CUX1: variants seen among roughly 807,000 people sequenced by gnomAD.
The protein encoded by CUX1 is protein CASP.
Under a neutral mutation model 158.8 loss-of-function variants are expected in CUX1, and 31 were observed. The ratio of observed to expected loss-of-function variants is 0.20; its 90% confidence interval spans 0.15 to 0.26. The LOEUF is 0.26. Ranked by LOEUF, CUX1 falls within the 10% of genes least tolerant of loss-of-function variation. The pLI is 1.00. For synonymous variants in CUX1, 879 were observed against 862.1 expected, an observed-to-expected ratio of 1.02 and a Z score of -0.34; for missense variants, 1,589 against 2,014.6, an observed-to-expected ratio of 0.79 and a Z score of 4.04.
In CUX1 at chr7:102,201,838, C is replaced by T. The variant is rs375527499; in HGVS notation, c.2541C>T (p.Gly847=). ...AGGAGGCCAAGGCCGAAGAAACGGG[C>T]GGCGGGAAAGAGAAGGGCAGCGGTG... ...SSEEAKAEET[G]GGKEKGSGGS... Residue 847 remains glycine, a synonymous_variant, in exon 18 of 24, where the codon GGC becomes GGT. Coordinates refer to ENST00000292535, the MANE Select transcript of CUX1 (RefSeq NM_181552.4). This position sits in a 1 kb window ranked among gnomAD's most constrained non-coding sequence, Gnocchi z 5.0. The T allele has an allele frequency of 3.6e-5, 58 of 1,612,894 alleles. No homozygotes were observed. Among genetic ancestry groups the T allele is most frequent in the Non-Finnish European group, 4.7e-5 (55 of 1,179,902 alleles).
Position 102,282,517 on chromosome 7 carries a change from A to G in CUX1, c.1903-195A>G, listed in dbSNP as rs539653659. On this transcript the variant is annotated intron_variant, in intron 21 of 22. Coordinates refer to the CUX1 transcript ENST00000292538. The stretch of plus-strand genomic sequence containing the variant: ...TCCAAGGGTTGGCCCACAGTATTAG[A>G]GGAGGTGCCTCCGTGTCTGGGCCCA... 2.6e-5 allele frequency among the ~76,000 whole-genome samples: 4 copies of G among 152,230 alleles called. No homozygotes were observed. In the East Asian group the frequency reaches 5.8e-4, roughly 22 times the overall value.
At chr7:102,210,144 T>C (rs1796375892) in intron 20 of CUX1, among the ~76,000 whole-genome samples, 1 of 152,218 alleles carries the variant, frequency 6.6e-6, no homozygotes, top group South Asian at 2.1e-4. Flanking sequence ...TCACCTGGGC[T>C]GGAGTGCAGT....
intron 2 of CUX1, among the ~76,000 whole-genome samples, chr7:101,941,872 C>G (rs1186179695): frequency 6.6e-6 from 1 of 152,210 alleles, no homozygotes; most frequent in Admixed American, 6.5e-5. Context: ...CTGAAAAGAG[C>G]AGAAACTGCT....
chr7:102,068,447 G>GA (rs1484172340), intron 3 of CUX1, among the ~76,000 whole-genome samples: 2 of 3,328 alleles, frequency 6.0e-4, no homozygotes, highest in Admixed American at 6.5e-3. Flanking sequence ...ATCGGGTTGA[G>GA]GGGGTGGAAA....
At position 102,083,234 on chromosome 7, in the gene CUX1, AT is replaced by A. The variant is rs1827631974; in HGVS notation, c.268+12819del. On this transcript the variant is annotated intron_variant, in intron 4 of 23. Coordinates refer to ENST00000292535, the MANE Select transcript of CUX1 (RefSeq NM_181552.4). The stretch of plus-strand genomic sequence containing the variant: ...GATTTTAGTTTGCATTTTCCTGATG[AT>A]TAATGATGCAGAATATTTTTTCATG... 1.4e-5 allele frequency among the ~76,000 whole-genome samples: 2 copies of A among 147,322 alleles called. 1 individual carries two copies. Among genetic ancestry groups the A allele is most frequent in the Non-Finnish European group, 3.1e-5 (2 of 65,268 alleles).
At chr7:102,078,256 T>C (rs1554477363) in intron 4 of CUX1, among the ~76,000 whole-genome samples, 2 of 152,130 alleles carry the variant, frequency 1.3e-5, no homozygotes, top group African/African-American at 4.8e-5. Flanking sequence ...TTAAATTTTT[T>C]GTAGAGATGG....
At chr7:101,875,022 T>C (rs1263195593) in intron 1 of CUX1, among the ~76,000 whole-genome samples, 2 of 152,152 alleles carry the variant, frequency 1.3e-5, no homozygotes, top group Non-Finnish European at 2.9e-5. Flanking sequence ...GTAACAATTC[T>C]GCTTGATGAC....
chr7:101,914,127 T>A (rs1302398087), intron 1 of CUX1, among the ~76,000 whole-genome samples: 1 of 152,162 alleles, frequency 6.6e-6, no homozygotes, highest in Admixed American at 6.5e-5. Flanking sequence ...GTTCAGTGTT[T>A]CCCTTTTTTC....
rs371410644 is a variant in CUX1, at chr7:102,202,001, C to T, written c.2704C>T (p.Arg902Cys). The change falls in exon 18 of 24, where the codon CGC (arginine) becomes TGC (cysteine). Residue 902 changes from arginine (R) to cysteine (C), a missense_variant. Arg to Cys is a radical substitution (Grantham distance 180). Coordinates refer to ENST00000292535, the MANE Select transcript of CUX1 (RefSeq NM_181552.4). ...SSELSLTGASRSETPQNSPLP... is the reference protein window; with the variant it reads ...SSELSLTGASCSETPQNSPLP... ...AGAGCTGAGTCTGACCGGGGCCAGC[C>T]GCAGCGAGACACCACAGAACAGCCC... The T allele has an allele frequency of 9.9e-6, 16 of 1,613,888 alleles. No individual in the cohort carries two copies. Among genetic ancestry groups the T allele is most frequent in the African/African-American group, 1.3e-5 (1 of 74,876 alleles).
chr7:102,239,645 G>A (rs1422865710), intron 23 of CUX1, 61 bp downstream of exon 23: 5 of 1,552,494 alleles, frequency 3.2e-6, no homozygotes, highest in African/African-American at 1.4e-5. Flanking sequence ...GATCTGTCCG[G>A]AGGCCGCCAT....
Position 102,254,340 on chromosome 7 carries a change from G to C in CUX1, c.*5298G>C, listed in dbSNP as rs1221687801. 2.0e-6 allele frequency: 2 copies of C among 985,334 alleles called. No individual in the cohort carries two copies. Among genetic ancestry groups the C allele is most frequent in the African/African-American group, 3.5e-5 (2 of 57,216 alleles). 61.0% of individuals were successfully genotyped at this position (985,334 alleles called of 1,614,324 possible). A position where few individuals can be genotyped will look rare whatever the true frequency, so the allele number is the denominator to read the frequency against. ...TTGGGGAACACTGTAGCTCTTGGGT[G>C]TCTCTTGTCTCTGGCATGGTTTTAG... On this transcript the variant is annotated 3_prime_UTR_variant, in exon 24 of 24. Coordinates refer to ENST00000292535, the MANE Select transcript of CUX1 (RefSeq NM_181552.4).
chr7:102,096,508 T>C (rs201453), intron 4 of CUX1, among the ~76,000 whole-genome samples: 92,041 of 151,984 alleles, frequency 0.61, 29,733 homozygotes, highest in African/African-American at 0.79. Context: ...AGTTTGAGAC[T>C]GGCCTAGGCA....
chr7:102,005,716 C>G (rs959277676), intron 2 of CUX1, among the ~76,000 whole-genome samples: 5 of 152,180 alleles, frequency 3.3e-5, no homozygotes, highest in Non-Finnish European at 7.3e-5. Flanking sequence ...CCTCCTCTGT[C>G]TACTCCACCT....
intron 2 of CUX1, among the ~76,000 whole-genome samples, chr7:101,951,897 C>T (rs1215489106): frequency 6.6e-6 from 1 of 152,228 alleles, no homozygotes; most frequent in Non-Finnish European, 1.5e-5. Context: ...TTCGGCAGGG[C>T]CATATGGTCT....
At chr7:101,947,036 T>C (rs1263323437) in intron 2 of CUX1, among the ~76,000 whole-genome samples, 1 of 152,164 alleles carries the variant, frequency 6.6e-6, no homozygotes, top group Non-Finnish European at 1.5e-5. Context: ...AGAGTGGAAG[T>C]AGGTCCCAAG....
intron 14 of CUX1, among the ~76,000 whole-genome samples, chr7:102,271,599 A>G (rs1554546285): frequency 6.6e-6 from 1 of 151,868 alleles, no homozygotes. Context: ...GCCAGCCCCA[A>G]CCCTGCCCCC....
chr7:101,984,168 GT>G (rs1813964777), intron 2 of CUX1, among the ~76,000 whole-genome samples: 1 of 139,158 alleles, frequency 7.2e-6, no homozygotes, highest in Non-Finnish European at 1.5e-5. Flanking sequence ...GTGTGTGTGT[GT>G]GTGTGTTAGG....
At position 102,255,226 on chromosome 7, in the gene CUX1, C is replaced by T. The variant is rs1202307005; in HGVS notation, c.*6184C>T. The T allele has an allele frequency of 1.4e-4, 138 of 985,370 alleles. 1 individual carries two copies. Among genetic ancestry groups the T allele is most frequent in the Non-Finnish European group, 1.7e-4 (138 of 829,976 alleles). The allele number at this position is 985,370 out of a possible 1,614,324, so 61.0% of individuals were successfully genotyped here. On this transcript the variant is annotated 3_prime_UTR_variant, in exon 24 of 24. Transcript: ENST00000292535. Reference sequence around the variant, plus strand: ...CTGCCCAGGCCTCTCCCACCACCACCTTCCCTCCAAAGATAACCGTGTCCA... The same window carrying T: ...CTGCCCAGGCCTCTCCCACCACCACTTTCCCTCCAAAGATAACCGTGTCCA...
At chr7:102,086,096 A>T (rs1360594397) in intron 4 of CUX1, among the ~76,000 whole-genome samples, 1 of 152,092 alleles carries the variant, frequency 6.6e-6, no homozygotes, top group Non-Finnish European at 1.5e-5. Flanking sequence ...TATCTGTAGG[A>T]TGTGTAGTGA....
Sources: gnomAD v4.1 joint callset for allele counts (sites outside exome capture counted in the v4.1 genomes callset) on GRCh38, gnomAD v4.1.1 for gene constraint, Gnocchi (gnomAD v3.1) non-coding constraint, MANE v1.5 for transcripts, NCBI Gene and HGNC (gene_info 2026-07-23, HGNC 2026-07-21) for gene names.